Variants in HELZ observed in about 807,000 individuals in gnomAD.
HELZ encodes ATP-dependent RNA helicase with zinc finger domain.
Under a neutral mutation model 218.2 loss-of-function variants are expected in HELZ, and 23 were observed. That is an observed-to-expected ratio of 0.11 (90% CI 0.08 to 0.15). HELZ has a LOEUF of 0.15. Ranked by LOEUF, HELZ falls within the 10% of genes least tolerant of loss-of-function variation. HELZ has a pLI of 1.00. For missense variants in HELZ, 1,813 were observed against 2,353.7 expected (o/e 0.77, Z 4.75); for synonymous variants, 814 against 829.4 (o/e 0.98, Z 0.32).
At chr17:67,191,350 A>G (rs973638584) in intron 9 of HELZ, among the ~76,000 whole-genome samples, 8 of 152,244 alleles carry the variant, frequency 5.3e-5, no homozygotes, top group African/African-American at 1.9e-4. Flanking sequence ...TAAATTATAA[A>G]TGTTCATTTT....
intron 12 of HELZ, among the ~76,000 whole-genome samples, chr17:67,183,211 CCA>C (rs2039660407): frequency 1.3e-5 from 2 of 152,128 alleles, no homozygotes; most frequent in East Asian, 3.9e-4. Context: ...CTTCAGTGAT[CCA>C]TTTCTATATC....
At chr17:67,225,062 G>A (rs576261972) in intron 3 of HELZ, 27 of 589,266 alleles carry the variant, frequency 4.6e-5, no homozygotes, top group South Asian at 3.6e-4. Flanking sequence ...TTATTATGAA[G>A]ACAATAAAAT....
chr17:67,137,730 A>C lies in HELZ; in HGVS notation c.2953+201T>G, dbSNP rs185652332. On this transcript the variant is annotated intron_variant, in intron 22 of 32. Transcript: ENST00000358691. ...TGGTCACAGAAAAGGTATATTTGTT[A>C]ATACTTATTTTATTTGGATATAAAA... 7.9e-4 allele frequency among the ~76,000 whole-genome samples: 121 copies of C among 152,342 alleles called. 2 individuals are homozygous for C. Among genetic ancestry groups the C allele is most frequent in the African/African-American group, 2.5e-3 (105 of 41,576 alleles).
At chr17:67,178,995 C>T (rs2039534613) in intron 12 of HELZ, 69 bp from the exon 13 acceptor site, 1 of 1,008,738 alleles carries the variant, frequency 9.9e-7, no homozygotes, top group South Asian at 1.7e-5. Context: ...CATTAAAATT[C>T]TTAACTATAT....
intron 5 of HELZ, among the ~76,000 whole-genome samples, chr17:67,204,557 C>T (rs751637915): frequency 2.0e-5 from 3 of 152,114 alleles, no homozygotes; most frequent in African/African-American, 2.4e-5. Context: ...GATACATCAA[C>T]TTATTTAACC....
intron 13 of HELZ, 42 bp downstream of exon 13, chr17:67,178,617 A>AG (rs2039522571): frequency 1.3e-6 from 2 of 1,523,542 alleles, no homozygotes; most frequent in Non-Finnish European, 1.8e-6. Context: ...TACCATCCAA[A>AG]GGGGAGATTT....
upstream of HELZ, chr17:67,245,533 C>T (rs2041461493): frequency 6.1e-6 from 6 of 984,726 alleles, no homozygotes; most frequent in African/African-American, 1.7e-5. Context: ...TTCCTTGCCG[C>T]CCGCGGCGCG....
chr17:67,121,804 T>C (rs959545544), intron 26 of HELZ, among the ~76,000 whole-genome samples: 4 of 152,242 alleles, frequency 2.6e-5, no homozygotes, highest in Non-Finnish European at 4.4e-5. Flanking sequence ...GTAATGTTTT[T>C]AAGTAGTAGT....
At chr17:67,155,551 G>A (rs2038814162) in intron 17 of HELZ, among the ~76,000 whole-genome samples, 1 of 152,210 alleles carries the variant, frequency 6.6e-6, no homozygotes, top group African/African-American at 2.4e-5. Context: ...ATAACTTACA[G>A]GATCATAATA....
chr17:67,150,127 T>TTTA (rs2038633329), intron 18 of HELZ, 142 bp from the exon 19 acceptor site: 15 of 435,750 alleles, frequency 3.4e-5, no homozygotes, highest in East Asian at 1.5e-4. Flanking sequence ...ATTTATTTTC[T>TTTA]TTCTTTTTTT....
intron 12 of HELZ, among the ~76,000 whole-genome samples, chr17:67,180,276 G>C (rs1366796744): frequency 3.3e-5 from 5 of 151,908 alleles, no homozygotes; most frequent in Admixed American, 2.6e-4. Flanking sequence ...TTGAGGTCAG[G>C]AGTTCAAGAC....
chr17:67,136,953 G>A (rs975455473), intron 22 of HELZ, among the ~76,000 whole-genome samples: 5 of 151,962 alleles, frequency 3.3e-5, no homozygotes, highest in Non-Finnish European at 5.9e-5. Context: ...TACATCATAC[G>A]CATTTTACCA....
At chr17:67,221,840 G>T (rs900868967) in intron 3 of HELZ, among the ~76,000 whole-genome samples, 1 of 145,052 alleles carries the variant, frequency 6.9e-6, no homozygotes, top group African/African-American at 2.6e-5. Flanking sequence ...GCTGTTTTTT[G>T]TGTTTTTTTT....
intron 24 of HELZ, among the ~76,000 whole-genome samples, chr17:67,124,872 T>TA (rs1036499841): frequency 6.0e-5 from 9 of 150,142 alleles, no homozygotes; most frequent in East Asian, 5.8e-4. Context: ...ATTTCTGGAT[T>TA]AAAAAAAAAA....
chr17:67,194,833 A>C (rs2039983025), intron 8 of HELZ, among the ~76,000 whole-genome samples: 1 of 152,218 alleles, frequency 6.6e-6, no homozygotes, highest in African/African-American at 2.4e-5. Context: ...GCTGTGCTTC[A>C]TCTCTATACT....
In HELZ at chr17:67,149,864, T is replaced by C. The variant is rs200261794; in HGVS notation, c.2475+3A>G. On this transcript the variant is annotated splice_donor_region_variant and intron_variant, in intron 19 of 32. Transcript: ENST00000358691. ...TCAACACAGCAACTCAGAGGGCACT[T>C]ACCTGCATGTGATCACCAGCCAAGA... 1.3e-4 allele frequency: 211 copies of C among 1,574,230 alleles called. No homozygotes were observed. In the African/African-American group the frequency reaches 2.6e-3, roughly 19 times the overall value.
In HELZ at chr17:67,245,138, C is replaced by G. The variant is rs1402550429; in HGVS notation, c.-132+10G>C. 2.0e-6 allele frequency: 2 copies of G among 985,146 alleles called. No homozygotes were observed. The highest frequency in any genetic ancestry group is 1.7e-5 in the African/African-American group (1 of 57,288). The allele number at this position is 985,146 out of a possible 1,614,324, so 61.0% of individuals were successfully genotyped here. On this transcript the variant is annotated intron_variant, in intron 1 of 32. Coordinates refer to ENST00000358691, the MANE Select transcript of HELZ (RefSeq NM_014877.4). ...CCCCAGGAGCAGAGAAGGGGGAAGTCAGGACTTACCTGTCATTACTTTCTA... is the reference window on the plus strand; with the variant it reads ...CCCCAGGAGCAGAGAAGGGGGAAGTGAGGACTTACCTGTCATTACTTTCTA...
At chr17:67,122,520 G>A (rs183078935) in intron 26 of HELZ, among the ~76,000 whole-genome samples, 11 of 151,588 alleles carry the variant, frequency 7.3e-5, no homozygotes, top group Admixed American at 1.3e-4. Context: ...CACTCCAGCC[G>A]GGGCAACAGA....
intron 31 of HELZ, among the ~76,000 whole-genome samples, chr17:67,102,734 T>C (rs943634088): frequency 6.6e-6 from 1 of 152,160 alleles, no homozygotes; most frequent in Admixed American, 6.6e-5. Context: ...TGCAATGTGC[T>C]AAAAAAATAT....
Sources: gnomAD v4.1 joint callset for allele counts (sites outside exome capture counted in the v4.1 genomes callset) on GRCh38, gnomAD v4.1.1 for gene constraint, MANE v1.5 for transcripts, NCBI Gene and HGNC (gene_info 2026-07-23, HGNC 2026-07-21) for gene names.